TBCK: variants seen among roughly 807,000 people sequenced by gnomAD.
TBCK encodes TBC1 domain containing kinase, also known as TBC domain-containing protein kinase-like protein.
TBCK carries 99 observed loss-of-function variants against 113.4 expected under a neutral mutation model. The ratio of observed to expected loss-of-function variants is 0.87; its 90% confidence interval spans 0.74 to 1.03. TBCK has a LOEUF of 1.03. Ranked by LOEUF, TBCK falls within the 50% of genes least tolerant of loss-of-function variation. The pLI, the probability that TBCK is intolerant of heterozygous loss-of-function variation, is 0.00. For missense variants in TBCK, 1,045 were observed against 1,061.3 expected (o/e 0.98, Z 0.21); for synonymous variants, 369 against 370.8 (o/e 1.00, Z 0.05).
intron 25 of TBCK, among the ~76,000 whole-genome samples, chr4:106,088,657 T>C (rs1031850678): frequency 1.3e-5 from 2 of 152,148 alleles, no homozygotes; most frequent in African/African-American, 4.8e-5. Flanking sequence ...GTATATTTAT[T>C]GCAGCACTAT....
At position 106,146,211 on chromosome 4, in the gene TBCK, T is replaced by G. The variant is rs193271088; in HGVS notation, c.2235+24884A>C. Among the ~76,000 whole-genome samples, 44 of 152,002 alleles carry G rather than the reference T, an allele frequency of 2.9e-4. No individual in the cohort carries two copies. The East Asian group carries it at 4.1e-3, about 14-fold the overall frequency. The stretch of plus-strand genomic sequence containing the variant: ...CATATACATATACATGTAATACATA[T>G]ACATATACATATACATGTAATACAT... On this transcript the variant is annotated intron_variant, in intron 23 of 25. Transcript: ENST00000394708.
intron 20 of TBCK, among the ~76,000 whole-genome samples, chr4:106,205,680 C>T (rs902166587): frequency 1.3e-5 from 2 of 148,346 alleles, no homozygotes; most frequent in South Asian, 4.3e-4. Context: ...GCAGGAGAAT[C>T]GCTTGAACCC....
At chr4:106,299,411 G>A (rs550424315) in intron 2 of TBCK, among the ~76,000 whole-genome samples, 2 of 152,228 alleles carry the variant, frequency 1.3e-5, no homozygotes, top group South Asian at 4.1e-4. Context: ...TTTTAAATTG[G>A]ATATTCATAA....
intron 22 of TBCK, among the ~76,000 whole-genome samples, chr4:106,192,567 T>C (rs1412157368): frequency 2.0e-5 from 3 of 152,120 alleles, no homozygotes; most frequent in African/African-American, 7.2e-5. Flanking sequence ...CTGATGATAA[T>C]AGTTTCAATT....
intron 23 of TBCK, among the ~76,000 whole-genome samples, chr4:106,161,732 G>A (rs1163298462): frequency 1.3e-5 from 2 of 151,682 alleles, no homozygotes; most frequent in East Asian, 3.9e-4. Context: ...GTGTGTGTAT[G>A]TGTGTATGTA....
intron 25 of TBCK, among the ~76,000 whole-genome samples, chr4:106,074,204 GGAGCTGCAGACCA>G (rs1260094289): frequency 2.0e-5 from 3 of 152,066 alleles, no homozygotes; most frequent in Non-Finnish European, 4.4e-5. Flanking sequence ...GATCACACTG[GGAGCTGCAGACCA>G]GAGCTGTTCC....
At chr4:106,058,533 T>A (rs1560588684) in intron 25 of TBCK, among the ~76,000 whole-genome samples, 4 of 151,590 alleles carry the variant, frequency 2.6e-5, no homozygotes, top group Non-Finnish European at 5.9e-5. Context: ...TCAAAACAAA[T>A]GGGAGTTACC....
chr4:106,229,430 CAGAT>C (rs140247422), intron 19 of TBCK, among the ~76,000 whole-genome samples: 4,076 of 151,998 alleles, frequency 0.027, 170 homozygotes, highest in African/African-American at 0.093. Context: ...TGTATGTTGA[CAGAT>C]AGAGGTCTAG....
At chr4:106,236,990 A>C (rs1265224729) in intron 12 of TBCK, among the ~76,000 whole-genome samples, 182 bp from the exon 13 acceptor site, 1 of 152,018 alleles carries the variant, frequency 6.6e-6, no homozygotes, top group Non-Finnish European at 1.5e-5. Context: ...TCTACTGATT[A>C]CGGTTTGGCT....
chr4:106,079,369 G>A (rs976119086), intron 25 of TBCK, among the ~76,000 whole-genome samples: 1 of 152,206 alleles, frequency 6.6e-6, no homozygotes, highest in Non-Finnish European at 1.5e-5. Context: ...AATAGGAAAA[G>A]AGGAAGTCAA....
intron 3 of TBCK, among the ~76,000 whole-genome samples, chr4:106,277,563 C>G (rs1470082309): frequency 6.6e-6 from 1 of 152,066 alleles, no homozygotes; most frequent in Non-Finnish European, 1.5e-5. Context: ...AGAAATTATG[C>G]TGAATGAAGG....
In TBCK at chr4:106,306,801, C is replaced by A. The variant is rs570024059; in HGVS notation, c.193+1967G>T. On this transcript the variant is annotated intron_variant, in intron 2 of 25. Transcript: ENST00000394708. Reference sequence around the variant, plus strand: ...CCCTTAAGGCCTCAACATGGCACCACCCATGCTCTTGCTTGAGGGATTAAG... The same window carrying A: ...CCCTTAAGGCCTCAACATGGCACCAACCATGCTCTTGCTTGAGGGATTAAG... 2.5e-4 allele frequency among the ~76,000 whole-genome samples: 38 copies of A among 152,290 alleles called. No homozygotes were observed. In the South Asian group the frequency reaches 7.7e-3, roughly 31 times the overall value.
intron 1 of TBCK, chr4:106,310,534 T>C (rs1255546081): frequency 2.0e-5 from 3 of 152,146 alleles, no homozygotes; most frequent in Non-Finnish European, 2.9e-5. Context: ...AAAGATAAGG[T>C]TCTTCCCTAA....
rs1010328508 is a variant in TBCK at position 106,230,245 on chromosome 4, T to C, written c.1774+118A>G. ...TTCTAATTTCTCTTTATGGATTTTATTGGATGGACCATCATCGTATTTTTG... is the reference window on the plus strand; with the variant it reads ...TTCTAATTTCTCTTTATGGATTTTACTGGATGGACCATCATCGTATTTTTG... On this transcript the variant is annotated intron_variant, in intron 19 of 25. Coordinates refer to ENST00000394708, the MANE Select transcript of TBCK (RefSeq NM_001163435.3). 5.9e-5 allele frequency: 29 copies of C among 491,002 alleles called. No individual in the cohort carries two copies. The Admixed American group carries it at 6.0e-4, about 10-fold the overall frequency. 30.4% of individuals were successfully genotyped at this position (491,002 alleles called of 1,614,324 possible).
intron 22 of TBCK, among the ~76,000 whole-genome samples, chr4:106,189,985 TATCTTAGGTATC>T (rs1256679926): frequency 6.6e-6 from 1 of 152,152 alleles, no homozygotes; most frequent in African/African-American, 2.4e-5. Context: ...TTTCAAATAT[TATCTTAGGTATC>T]ATTTACTTAA....
At chr4:106,250,504 C>A (rs745380097) in intron 6 of TBCK, 26 bp from the exon 7 acceptor site, 12 of 1,320,308 alleles carry the variant, frequency 9.1e-6, no homozygotes, top group Non-Finnish European at 1.3e-5. Flanking sequence ...AAAGAAATTT[C>A]TATTAATATT....
chr4:106,159,538 C>T (rs1196914746), intron 23 of TBCK, among the ~76,000 whole-genome samples: 1 of 151,832 alleles, frequency 6.6e-6, no homozygotes, highest in East Asian at 1.9e-4. Context: ...TTTACAATAG[C>T]ATCAAAAGGA....
chr4:106,062,181 G>A (rs542441252), intron 25 of TBCK, among the ~76,000 whole-genome samples: 12 of 151,922 alleles, frequency 7.9e-5, no homozygotes, highest in African/African-American at 2.9e-4. Context: ...ATTAATAATA[G>A]TTTCTACTTT....
intron 23 of TBCK, among the ~76,000 whole-genome samples, chr4:106,158,847 G>A (rs550242537): frequency 6.6e-6 from 1 of 152,070 alleles, no homozygotes; most frequent in South Asian, 2.1e-4. Context: ...TGCAAAAACG[G>A]AATACTAAAG....
Sources: gnomAD v4.1 joint callset for allele counts (sites outside exome capture counted in the v4.1 genomes callset) on GRCh38, gnomAD v4.1.1 for gene constraint, MANE v1.5 for transcripts, NCBI Gene and HGNC (gene_info 2026-07-23, HGNC 2026-07-21) for gene names.